RABGAP1L: variants seen among roughly 807,000 people sequenced by gnomAD.
RABGAP1L encodes the protein rab GTPase-activating protein 1-like.
In RABGAP1L, 63 loss-of-function variants were observed where a neutral mutation model predicts 137.7. That is an observed-to-expected ratio of 0.46 (90% confidence interval 0.37 to 0.56). The LOEUF (loss-of-function observed/expected upper bound fraction) is 0.56, where lower values mean the gene tolerates loss of function less well. Among genes scored for constraint, RABGAP1L ranks in the 20% least tolerant of loss-of-function variants. The probability of loss-of-function intolerance (pLI) is 0.00; values close to 1 mark genes in which losing one functional copy is unlikely to be tolerated. For missense variants in RABGAP1L, 1,095 were observed against 1,244.0 expected (o/e 0.88, Z 1.80); for synonymous variants, 431 against 433.7 (o/e 0.99, Z 0.08).
intron 1 of RABGAP1L, among the ~76,000 whole-genome samples, chr1:174,189,907 AAG>A (rs1458735885): frequency 6.6e-6 from 1 of 152,132 alleles, no homozygotes; most frequent in Non-Finnish European, 1.5e-5. Context: ...TCCAAACAAA[AAG>A]AAAAAAGGAA....
chr1:174,850,344 A>G (rs1648080824), intron 19 of RABGAP1L, among the ~76,000 whole-genome samples: 1 of 152,242 alleles, frequency 6.6e-6, no homozygotes, highest in Non-Finnish European at 1.5e-5. Flanking sequence ...CATATGCTTT[A>G]ATAAATGTGG....
intron 14 of RABGAP1L, among the ~76,000 whole-genome samples, chr1:174,638,320 T>C (rs1447829418): frequency 6.6e-6 from 1 of 152,220 alleles, no homozygotes; most frequent in African/African-American, 2.4e-5. Flanking sequence ...AGAAGTATAT[T>C]CACAAATCTG....
At chr1:174,610,863 G>A (rs550175264) in intron 13 of RABGAP1L, among the ~76,000 whole-genome samples, 52 of 152,256 alleles carry the variant, frequency 3.4e-4, no homozygotes, top group African/African-American at 1.1e-3. Context: ...CTTTTGAGAA[G>A]TGTCTGTTCA....
At chr1:174,437,666 C>T (rs1653569953) in intron 13 of RABGAP1L, among the ~76,000 whole-genome samples, 1 of 152,134 alleles carries the variant, frequency 6.6e-6, no homozygotes, top group African/African-American at 2.4e-5. Context: ...TCCAGGAGAA[C>T]TTCCCCAATC....
chr1:174,568,984 T>G (rs544819045), intron 13 of RABGAP1L, among the ~76,000 whole-genome samples: 26 of 152,370 alleles, frequency 1.7e-4, no homozygotes, highest in African/African-American at 6.0e-4. Flanking sequence ...CTCTCTATGT[T>G]GATTACTACC....
intron 13 of RABGAP1L, among the ~76,000 whole-genome samples, chr1:174,483,060 C>A (rs1366956194): frequency 1.3e-5 from 2 of 151,976 alleles, no homozygotes; most frequent in East Asian, 3.9e-4. Context: ...TATATGCATG[C>A]AATATGTAAT....
intron 1 of RABGAP1L, among the ~76,000 whole-genome samples, chr1:174,217,819 ATTAC>A (rs1020179449): frequency 6.6e-6 from 1 of 152,114 alleles, no homozygotes; most frequent in African/African-American, 2.4e-5. Context: ...TTGGAAAGTA[ATTAC>A]TTTTTAAAAG....
chr1:174,770,874 G>T (rs1686064709), intron 18 of RABGAP1L, among the ~76,000 whole-genome samples: 1 of 152,134 alleles, frequency 6.6e-6, no homozygotes, highest in Non-Finnish European at 1.5e-5. Flanking sequence ...ACAGTCCCTG[G>T]GTTAGATGTC....
At chr1:174,863,440 G>C (rs1026012436) in intron 19 of RABGAP1L, among the ~76,000 whole-genome samples, 1 of 148,148 alleles carries the variant, frequency 6.8e-6, no homozygotes, top group Non-Finnish European at 1.5e-5. Context: ...TTTGGAGGCC[G>C]AGGCGGGTGG....
chr1:174,634,781 G>C (rs1168251949), intron 13 of RABGAP1L, among the ~76,000 whole-genome samples: 1 of 145,836 alleles, frequency 6.9e-6, no homozygotes, highest in Non-Finnish European at 1.5e-5. Flanking sequence ...ACTATTGCAA[G>C]AACAAAAAAG....
chr1:174,229,513 G>C (rs1379758998), intron 3 of RABGAP1L, among the ~76,000 whole-genome samples: 1 of 152,100 alleles, frequency 6.6e-6, no homozygotes, highest in East Asian at 1.9e-4. Context: ...TTTTCTAGAG[G>C]GGTTTTGGGA....
chr1:174,233,486 C>A (rs375971896), intron 4 of RABGAP1L, among the ~76,000 whole-genome samples: 8 of 134,444 alleles, frequency 6.0e-5, no homozygotes, highest in Admixed American at 1.5e-4. Flanking sequence ...TCATTGTTCA[C>A]TTCCCACCTA....
At chr1:174,449,229 G>T in intron 13 of RABGAP1L, 2 of 1,516,868 alleles carry the variant, frequency 1.3e-6, no homozygotes, top group African/African-American at 1.4e-5. Flanking sequence ...AATGTAATCT[G>T]ACAGTGGTTT....
At chr1:174,801,134 C>T (rs189400488) in intron 18 of RABGAP1L, among the ~76,000 whole-genome samples, 16 of 152,314 alleles carry the variant, frequency 1.1e-4, no homozygotes, top group Admixed American at 8.5e-4. Context: ...CACCCTTCCT[C>T]ATTTCCTACC....
intron 14 of RABGAP1L, among the ~76,000 whole-genome samples, chr1:174,682,511 A>G (rs1379385537): frequency 1.3e-5 from 2 of 151,860 alleles, no homozygotes. Flanking sequence ...AACCAGTACT[A>G]TAAGTGTTCC....
intron 13 of RABGAP1L, among the ~76,000 whole-genome samples, chr1:174,575,782 T>C (rs992792775): frequency 6.6e-6 from 1 of 151,944 alleles, no homozygotes. Flanking sequence ...GATCGGCAGG[T>C]CGATAAATAA....
chr1:174,328,201 A>G (rs1429472137), intron 11 of RABGAP1L, among the ~76,000 whole-genome samples: 2 of 151,806 alleles, frequency 1.3e-5, no homozygotes, highest in Non-Finnish European at 2.9e-5. Flanking sequence ...CAATGGACCT[A>G]ACAGACATTT....
intron 10 of RABGAP1L, 97 bp from the exon 11 acceptor site, chr1:174,304,889 C>T: frequency 8.7e-7 from 1 of 1,152,452 alleles, no homozygotes; most frequent in Non-Finnish European, 1.2e-6. Context: ...ACACGCCATT[C>T]TTCATTGCAG....
intron 17 of RABGAP1L, among the ~76,000 whole-genome samples, chr1:174,726,486 G>A (rs963685003): frequency 2.0e-5 from 3 of 151,742 alleles, no homozygotes; most frequent in Admixed American, 6.6e-5. Context: ...TTATCAGCAA[G>A]GTTGAATCAA....
Sources: allele counts gnomAD v4.1 joint callset (sites outside exome capture counted in the v4.1 genomes callset), GRCh38; gene constraint gnomAD v4.1.1; transcripts MANE v1.5; gene names NCBI Gene and HGNC (gene_info 2026-07-23, HGNC 2026-07-21).